The following SMG1 variants were observed in gnomAD, a reference collection of about 807,000 sequenced individuals.
SMG1 encodes the protein SMG1 nonsense mediated mRNA decay associated PI3K related kinase.
SMG1 carries 22 observed loss-of-function variants against 419.9 expected under a neutral mutation model. The observed-to-expected ratio is 0.05, with a 90% CI of 0.04 to 0.07. The LOEUF (loss-of-function observed/expected upper bound fraction) is 0.07, where lower values mean the gene tolerates loss of function less well. SMG1 is among the 10% of genes least tolerant of loss of function. The pLI is 1.00. For synonymous variants in SMG1, 1,538 were observed against 1,553.5 expected (o/e 0.99, Z 0.23); for missense variants, 3,185 against 4,342.0 (o/e 0.73, Z 7.49).
Position 18,841,734 on chromosome 16 carries a change from A to T in SMG1, c.6527T>A (p.Met2176Lys). Reference protein sequence around the residue: ...IMQFLSIVNTMFATINRQETP... With the variant: ...IMQFLSIVNTKFATINRQETP... ...TTCTTGGCGATTAATTGTAGCAAACATGGTATTCACAATAGATAGGAACTG... is the reference window on the plus strand; with the variant it reads ...TTCTTGGCGATTAATTGTAGCAAACTTGGTATTCACAATAGATAGGAACTG... Residue 2176 changes from methionine (M) to lysine (K), a missense_variant, in exon 41 of 63, where the codon ATG becomes AAG. By Grantham distance (95) the Met-to-Lys change is moderately conservative. Around this residue, in one of 27 missense-constraint regions of SMG1, gnomAD observed 35 missense variants for 33.8 expected, o/e 1.04. Transcript: ENST00000446231. 6.2e-7 allele frequency: 1 copy of T among 1,614,008 alleles called. No individual in the cohort carries two copies. Among genetic ancestry groups the T allele is most frequent in the Non-Finnish European group, 8.5e-7 (1 of 1,179,888 alleles).
At chr16:18,880,972 A>C (rs1174608671) in intron 10 of SMG1, among the ~76,000 whole-genome samples, 10 of 151,162 alleles carry the variant, frequency 6.6e-5, no homozygotes, top group Non-Finnish European at 1.2e-4. Context: ...AAAAAGAAAA[A>C]AAAAAAAAAA....
In SMG1 at chr16:18,839,927, G is replaced by A. The variant is rs767179161; in HGVS notation, c.6716C>T (p.Thr2239Ile). The A allele has an allele frequency of 2.5e-6, 4 of 1,596,788 alleles. No individual in the cohort carries two copies. In the South Asian group the frequency reaches 4.5e-5, roughly 18 times the overall value. ...GGGTACAATTCCAGGATTCTGAGGAGTTTGGTAGGAATCTTGGGCCTTAAG... is the reference window on the plus strand; with the variant it reads ...GGGTACAATTCCAGGATTCTGAGGAATTTGGTAGGAATCTTGGGCCTTAAG... ...QAQKAQDSYQ[T>I]PQNPGIVPRP... The change falls in exon 42 of 63, where the codon ACT (threonine) becomes ATT (isoleucine). Residue 2239 changes from threonine (T) to isoleucine (I), a missense_variant. Transcript: ENST00000446231.
chr16:18,809,505 A>T lies in SMG1; in HGVS notation c.*64T>A. 7.8e-7 allele frequency: 1 copy of T among 1,286,208 alleles called. No homozygotes were observed. Among genetic ancestry groups the T allele is most frequent in the African/African-American group, 1.5e-5 (1 of 68,548 alleles). 79.7% of individuals were successfully genotyped at this position (1,286,208 alleles called of 1,614,324 possible). A position where few individuals can be genotyped will look rare whatever the true frequency, so the allele number is the denominator to read the frequency against. ...ACTGTGGTGTGGCTTTGGATGCCTG[A>T]GGCTGAGTTGATTCTGGTGGATGTC... On this transcript the variant is annotated 3_prime_UTR_variant, in exon 63 of 63. Transcript: ENST00000446231.
Position 18,863,805 on chromosome 16 carries a change from A to G in SMG1, c.3540T>C (p.Pro1180=). 1 of 1,588,802 alleles carries G rather than the reference A, an allele frequency of 6.3e-7. No individual in the cohort carries two copies. The highest frequency in any genetic ancestry group is 8.6e-7 in the Non-Finnish European group (1 of 1,162,436). ...TVLSKPTDSS[P]EVINYLGNKA... ...TATTTCCTAAATAATTTATAACCTC[A>G]GGGGAAGAGTCAGTCGGTTTGGACA... Residue 1180 remains proline, a synonymous_variant, in exon 25 of 63, where the codon CCT becomes CCC. Transcript: ENST00000446231.
At chr16:18,890,074 T>C (rs2036809101) in intron 5 of SMG1, among the ~76,000 whole-genome samples, 1 of 152,108 alleles carries the variant, frequency 6.6e-6, no homozygotes, top group East Asian at 1.9e-4. Context: ...CTGAGATAAA[T>C]TTTGGGTACT....
intron 1 of SMG1, among the ~76,000 whole-genome samples, chr16:18,922,553 C>T (rs1266823211): frequency 6.6e-6 from 1 of 152,218 alleles, no homozygotes; most frequent in African/African-American, 2.4e-5. Flanking sequence ...CAACCTCCGC[C>T]TCTCAGGTTC....
intron 43 of SMG1, 35 bp from the exon 44 acceptor site, chr16:18,838,501 C>A: frequency 6.2e-7 from 1 of 1,613,892 alleles, no homozygotes; most frequent in South Asian, 1.1e-5. Flanking sequence ...TTTGCCCTTT[C>A]ACCAAAAAAC....
chr16:18,834,319 C>T lies in SMG1; in HGVS notation c.8450G>A (p.Cys2817Tyr). Residue 2817 changes from cysteine to tyrosine, a missense_variant, in exon 50 of 63, where the codon TGC (cysteine) becomes TAC (tyrosine). By Grantham distance (194) the Cys-to-Tyr change is radical. Around this residue, in one of 27 missense-constraint regions of SMG1, gnomAD observed 412 missense variants for 546.6 expected, o/e 0.75. Transcript: ENST00000446231. ...ELCSMSGNVTCLVQLLKQCHL... is the reference protein window; with the variant it reads ...ELCSMSGNVTYLVQLLKQCHL... ...GCACTGCTTCAGTAACTGAACCAAG[C>T]AGGTGACGTTTCCGCTCATACTGCA... 1 of 1,613,358 alleles carries T rather than the reference C, an allele frequency of 6.2e-7. No homozygotes were observed. Among genetic ancestry groups the T allele is most frequent in the South Asian group, 1.1e-5 (1 of 90,882 alleles).
At chr16:18,833,985 G>A (rs2033382880) in intron 50 of SMG1, among the ~76,000 whole-genome samples, 1 of 152,046 alleles carries the variant, frequency 6.6e-6, no homozygotes, top group Non-Finnish European at 1.5e-5. Flanking sequence ...CTTGATTCCA[G>A]TTTTTGACTA....
At chr16:18,920,769 G>A (rs2038166278) in intron 1 of SMG1, among the ~76,000 whole-genome samples, 1 of 152,004 alleles carries the variant, frequency 6.6e-6, no homozygotes, top group African/African-American at 2.4e-5. Flanking sequence ...GAGCCTGGGA[G>A]GTGGAGGCTG....
Position 18,838,117 on chromosome 16 carries a change from A to G in SMG1, c.7310T>C (p.Val2437Ala). The G allele has an allele frequency of 1.2e-6, 2 of 1,613,896 alleles. No homozygotes were observed. Among genetic ancestry groups the G allele is most frequent in the Non-Finnish European group, 8.5e-7 (1 of 1,179,870 alleles). Residue 2437 changes from valine (V) to alanine (A), a missense_variant, in exon 45 of 63, where the codon GTC becomes GCC. Physicochemically the swap from Val to Ala is moderately conservative, Grantham distance 64. This residue lies in a region of SMG1 where 412 missense variants were observed against 546.6 expected (regional missense o/e 0.75). Transcript: ENST00000446231. ...AGGEAGFAGA[V>A]YGGGGQQAES... ...GGCCTGCTGGCCACCTCCACCATAG[A>G]CAGCACCAGCAAACCCAGCCTCGCC...
At chr16:18,867,700 C>CTT (rs778044384) in intron 22 of SMG1, among the ~76,000 whole-genome samples, 150 of 87,868 alleles carry the variant, frequency 1.7e-3, no homozygotes, top group Middle Eastern at 9.4e-3. Flanking sequence ...ATTTTAACTT[C>CTT]TTTTTTTTTT....
rs759665347 is a variant in SMG1, at chr16:18,834,464, T to G, written c.8331-26A>C. 2.5e-6 allele frequency: 4 copies of G among 1,594,204 alleles called. No homozygotes were observed. In the East Asian group the frequency reaches 9.0e-5, roughly 36 times the overall value. On this transcript the variant is annotated intron_variant, in intron 49 of 62. Transcript: ENST00000446231. ...CTACAAGAGATAAATATCTGTACAG[T>G]GAAACTTAAATGTATAAACAAAACA...
At chr16:18,838,905 G>A (rs2033745164) in intron 42 of SMG1, among the ~76,000 whole-genome samples, 1 of 152,096 alleles carries the variant, frequency 6.6e-6, no homozygotes, top group African/African-American at 2.4e-5. Flanking sequence ...CAGCTATCAG[G>A]ATGCTGGATT....
Position 18,896,073 on chromosome 16 carries a change from T to C in SMG1, c.391A>G (p.Lys131Glu), listed in dbSNP as rs1262710533. 1.2e-6 allele frequency: 2 copies of C among 1,611,442 alleles called. No homozygotes were observed. ...VQHGSRALAT[K>E]DMRKSQERSM... ...TTACCCTGTGATTTCCTCATGTCTTTGGTGGCTAAAGCACGACTGCCATGC... is the reference window on the plus strand; with the variant it reads ...TTACCCTGTGATTTCCTCATGTCTTCGGTGGCTAAAGCACGACTGCCATGC... The change falls in exon 3 of 63, where the codon AAA becomes GAA. Residue 131 changes from lysine to glutamate, a missense_variant. By Grantham distance (56) the Lys-to-Glu change is moderately conservative (BLOSUM62 1). Around this residue, in one of 27 missense-constraint regions of SMG1, gnomAD observed 42 missense variants for 100.1 expected, o/e 0.42. Transcript: ENST00000446231.
chr16:18,834,146 T>C lies in SMG1; in HGVS notation c.8565+58A>G. ...AAATTGCTTTCCTGGGTTAAAGAGA[T>C]GAGAAAGACAATATTCAGTATCTAA... On this transcript the variant is annotated intron_variant, in intron 50 of 62. Transcript: ENST00000446231. 1.6e-6 allele frequency: 2 copies of C among 1,275,530 alleles called. 1 individual carries two copies. The highest frequency in any genetic ancestry group is 2.7e-5 in the South Asian group (2 of 74,700). The allele number at this position is 1,275,530 out of a possible 1,614,324, so 79.0% of individuals were successfully genotyped here.
In SMG1 at chr16:18,888,478, C is replaced by CT. The variant is rs142087294; in HGVS notation, c.822+893dup. Among the ~76,000 whole-genome samples, 1,110 of 140,176 alleles carry CT rather than the reference C, an allele frequency of 7.9e-3. 5 individuals carry two copies. The highest frequency in any genetic ancestry group is 0.017 in the African/African-American group (622 of 36,540). The allele number at this position is 140,176 out of a possible 152,430, so 92.0% of individuals were successfully genotyped here. A position where few individuals can be genotyped will look rare whatever the true frequency, so the allele number is the denominator to read the frequency against. Reference sequence around the variant, plus strand: ...CTAAAAACCAAAGAGGAAAAAAATCCTTTTTTTTTTTTTTTGAGACAGAGT... The same window carrying CT: ...CTAAAAACCAAAGAGGAAAAAAATCCTTTTTTTTTTTTTTTTGAGACAGAGT... On this transcript the variant is annotated intron_variant, in intron 6 of 62. Coordinates refer to ENST00000446231, the MANE Select transcript of SMG1 (RefSeq NM_015092.5).
rs555810900 is a variant in SMG1 at position 18,816,371 on chromosome 16, T to C, written c.10233A>G (p.Ile3411Met). The C allele has an allele frequency of 3.7e-6, 6 of 1,613,982 alleles. No homozygotes were observed. The highest frequency in any genetic ancestry group is 1.7e-5 in the Admixed American group (1 of 60,022). The change falls in exon 58 of 63, where the codon ATA (isoleucine) becomes ATG (methionine). Residue 3411 changes from isoleucine (I) to methionine (M), a missense_variant. Around this residue, in one of 27 missense-constraint regions of SMG1, gnomAD observed 737 missense variants for 846.6 expected, o/e 0.87. Transcript: ENST00000446231. The part of the protein sequence containing the change: ...CETIQNLVDN[I>M]KTVLTGHNRQ... Reference sequence around the variant, plus strand: ...GGTTATGACCAGTGAGCACAGTCTTTATATTATCAACCAGATTCTGAATTG... The same window carrying C: ...GGTTATGACCAGTGAGCACAGTCTTCATATTATCAACCAGATTCTGAATTG...
chr16:18,882,142 T>G (rs770303155), intron 10 of SMG1, 23 bp downstream of exon 10: 5 of 1,507,064 alleles, frequency 3.3e-6, no homozygotes, highest in Admixed American at 2.3e-5. Flanking sequence ...TGAATGACAC[T>G]TGAAATGCCC....
Sources: allele counts gnomAD v4.1 joint callset (sites outside exome capture counted in the v4.1 genomes callset), GRCh38; gene constraint gnomAD v4.1.1; regional missense constraint gnomAD v4.1.1; transcripts MANE v1.5; gene names NCBI Gene and HGNC (gene_info 2026-07-23, HGNC 2026-07-21).